Variants in IFT43 observed in about 807,000 individuals in gnomAD.
IFT43 encodes intraflagellar transport 43.
In IFT43, 33 loss-of-function variants were observed where a neutral mutation model predicts 32.3. The observed-to-expected ratio is 1.02, with a 90% CI of 0.77 to 1.37. The LOEUF is 1.37. Among genes scored for constraint, IFT43 ranks in the 40% most tolerant of loss-of-function variants. The pLI is 0.00. For synonymous variants in IFT43, 93 were observed against 98.2 expected (o/e 0.95, Z 0.31); for missense variants, 274 against 265.9 (o/e 1.03, Z -0.21).
At chr14:76,074,883 C>T (rs958298261) in intron 5 of IFT43, among the ~76,000 whole-genome samples, 5 of 152,220 alleles carry the variant, frequency 3.3e-5, no homozygotes, top group Middle Eastern at 6.3e-3. Flanking sequence ...CTCCCCAACC[C>T]ATTGTCAGCC....
downstream of IFT43, chr14:76,083,970 G>A (rs1188048955): frequency 8.7e-6 from 4 of 460,400 alleles, no homozygotes; most frequent in East Asian, 6.8e-5. Context: ...CTCCCTTCCC[G>A]TGGGTGCTCT....
intron 2 of IFT43, among the ~76,000 whole-genome samples, chr14:75,996,524 T>C (rs8020382): frequency 0.33 from 50,654 of 152,218 alleles, 9,787 homozygotes; most frequent in East Asian, 0.43. Flanking sequence ...TACAGAGATA[T>C]TCATATTTCA....
chr14:75,989,635 C>T (rs1256284597), intron 2 of IFT43, among the ~76,000 whole-genome samples: 1 of 152,286 alleles, frequency 6.6e-6, no homozygotes, highest in African/African-American at 2.4e-5. Flanking sequence ...CCTCTCCAGG[C>T]TGACTTAGCA....
In IFT43 at chr14:76,081,338, G is replaced by T. The variant is rs151181341; in HGVS notation, c.296-957G>T. Among the ~76,000 whole-genome samples, 1,244 of 152,314 alleles carry T rather than the reference G, an allele frequency of 8.2e-3. 17 individuals are homozygous for T. Among genetic ancestry groups the T allele is most frequent in the African/African-American group, 0.028 (1,161 of 41,558 alleles). On this transcript the variant is annotated intron_variant, in intron 5 of 8. Coordinates refer to ENST00000314067, the MANE Select transcript of IFT43 (RefSeq NM_001102564.3). ...TCTCCTTCTTTCCGTGTTTACAGTT[G>T]CTTTGGGAATTCCAGGACTGTCTCA...
intron 5 of IFT43, among the ~76,000 whole-genome samples, chr14:76,072,182 G>A (rs1031923777): frequency 1.3e-5 from 2 of 152,138 alleles, no homozygotes; most frequent in Non-Finnish European, 2.9e-5. Flanking sequence ...TCAAATCCAT[G>A]GAGAGTACTT....
chr14:76,076,655 C>T, intron 5 of IFT43: 1 of 1,614,168 alleles, frequency 6.2e-7, no homozygotes, highest in Non-Finnish European at 8.5e-7. Flanking sequence ...CAAAACGCAT[C>T]ACAGAGATTT....
chr14:76,055,963 G>T (rs2037005857), intron 3 of IFT43, among the ~76,000 whole-genome samples: 1 of 152,054 alleles, frequency 6.6e-6, no homozygotes, highest in African/African-American at 2.4e-5. Flanking sequence ...GGGAGCTCAG[G>T]TTCATCCACT....
At chr14:75,986,481 C>CTTTCCGAGCCTTGG (rs2139854159) in intron 1 of IFT43, among the ~76,000 whole-genome samples, 1 of 151,854 alleles carries the variant, frequency 6.6e-6, no homozygotes, top group African/African-American at 2.4e-5. Context: ...ACGATTTAAC[C>CTTTCCGAGCCTTGG]TTTCCGAGCC....
intron 2 of IFT43, among the ~76,000 whole-genome samples, chr14:76,000,480 G>T (rs1190212290): frequency 3.3e-5 from 5 of 150,876 alleles, no homozygotes; most frequent in Non-Finnish European, 5.9e-5. Flanking sequence ...CACCGTGTTC[G>T]CCAGGATTGT....
chr14:76,037,694 T>TTG (rs995320277), intron 3 of IFT43, among the ~76,000 whole-genome samples: 2 of 147,790 alleles, frequency 1.4e-5, no homozygotes, highest in Non-Finnish European at 2.9e-5. Flanking sequence ...ATTCTCTGTT[T>TTG]TTTTTTTTTT....
chr14:76,063,180 C>T (rs1477850086), intron 5 of IFT43, among the ~76,000 whole-genome samples: 1 of 152,104 alleles, frequency 6.6e-6, no homozygotes, highest in African/African-American at 2.4e-5. Flanking sequence ...TTGTTTAGCT[C>T]ACACCTTTTC....
intron 2 of IFT43, among the ~76,000 whole-genome samples, chr14:76,014,662 C>G (rs1171070532): frequency 6.6e-6 from 1 of 152,152 alleles, no homozygotes; most frequent in African/African-American, 2.4e-5. Flanking sequence ...CTTCCTTGAC[C>G]TCTCCTTCTC....
At chr14:76,077,013 A>G (rs17783378) in intron 5 of IFT43, among the ~76,000 whole-genome samples, 50,039 of 151,580 alleles carry the variant, frequency 0.33, 8,312 homozygotes, top group Admixed American at 0.35. Context: ...CCATTTGGCA[A>G]TCTCTCTTTT....
At chr14:76,006,281 C>T (rs890334549) in intron 2 of IFT43, among the ~76,000 whole-genome samples, 1 of 152,162 alleles carries the variant, frequency 6.6e-6, no homozygotes, top group Non-Finnish European at 1.5e-5. Context: ...GTTTCAAGGG[C>T]AGGAGTGGGG....
intron 2 of IFT43, among the ~76,000 whole-genome samples, chr14:76,007,595 T>G (rs1375454233): frequency 6.6e-6 from 1 of 152,212 alleles, no homozygotes; most frequent in Admixed American, 6.5e-5. Flanking sequence ...CAGGAGGGGT[T>G]GCTTCTTAGA....
chr14:75,992,950 A>G lies in IFT43; in HGVS notation c.147+3973A>G, dbSNP rs148305461. Among the ~76,000 whole-genome samples the G allele has an allele frequency of 2.0e-5, 3 of 152,302 alleles. No individual in the cohort carries two copies. The East Asian group carries it at 5.8e-4, about 29-fold the overall frequency. On this transcript the variant is annotated intron_variant, in intron 2 of 8. Coordinates refer to ENST00000314067, the MANE Select transcript of IFT43 (RefSeq NM_001102564.3). Reference sequence around the variant, plus strand: ...TGGGCTGAAATCCTGGCCCTGTCATACATTAGCTTCTGTGATACTGAGTTA... The same window carrying G: ...TGGGCTGAAATCCTGGCCCTGTCATGCATTAGCTTCTGTGATACTGAGTTA...
At position 75,989,052 on chromosome 14, in the gene IFT43, G is replaced by A. The variant is rs970399613; in HGVS notation, c.147+75G>A. On this transcript the variant is annotated intron_variant, in intron 2 of 8. Coordinates refer to ENST00000314067, the MANE Select transcript of IFT43 (RefSeq NM_001102564.3). ...GTGATTCCTTAATGACCAAGGATTT[G>A]GTATTCCATATTTCTTCTCTTGAAT... The A allele has an allele frequency of 2.3e-5, 35 of 1,552,046 alleles. No homozygotes were observed. The African/African-American group carries it at 4.6e-4, about 20-fold the overall frequency.
chr14:76,083,522 G>A lies in IFT43; in HGVS notation c.572G>A (p.Trp191Ter), dbSNP rs2037554262. The change falls in exon 9 of 9, where the codon TGG (tryptophan) becomes TAG (stop). Residue 191 changes from tryptophan to a stop codon, truncating the protein, a stop_gained. Transcript: ENST00000314067. LOFTEE classifies it high-confidence loss of function. ...GTGTCCTCAGAGGTCCTCACTGAGT[G>A]GGACCCACTGCAGACGGAGAAGGAG... ...TEVSSEVLTEWDPLQTEKEDP... is the reference protein window; with the variant it reads ...TEVSSEVLTE 6.2e-7 allele frequency: 1 copy of A among 1,614,068 alleles called. No individual in the cohort carries two copies. Among genetic ancestry groups the A allele is most frequent in the Non-Finnish European group, 8.5e-7 (1 of 1,179,916 alleles).
intron 3 of IFT43, among the ~76,000 whole-genome samples, chr14:76,044,535 G>C (rs1160873684): frequency 6.6e-6 from 1 of 151,944 alleles, no homozygotes; most frequent in Non-Finnish European, 1.5e-5. Flanking sequence ...CATTATGTAT[G>C]CACAATTGAT....
Sources: allele counts gnomAD v4.1 joint callset (sites outside exome capture counted in the v4.1 genomes callset), GRCh38; gene constraint gnomAD v4.1.1; transcripts MANE v1.5; gene names NCBI Gene and HGNC (gene_info 2026-07-23, HGNC 2026-07-21).